Variants in CPED1 observed in about 807,000 individuals in gnomAD.
CPED1 encodes cadherin like and PC-esterase domain containing 1, also known as cadherin-like and PC-esterase domain-containing protein 1.
A neutral mutation model predicts 128.2 loss-of-function variants in CPED1; 114 were observed. That is an observed-to-expected ratio of 0.89 (90% CI 0.76 to 1.04). CPED1 has a LOEUF of 1.04. Ranked by LOEUF, CPED1 falls within the 50% of genes least tolerant of loss-of-function variation. CPED1 has a pLI of 0.00. For synonymous variants in CPED1, 462 were observed against 426.7 expected, an observed-to-expected ratio of 1.08 and a Z score of -1.02; for missense variants, 1,211 against 1,207.1, an observed-to-expected ratio of 1.00 and a Z score of -0.05.
intron 18 of CPED1, among the ~76,000 whole-genome samples, chr7:121,252,667 A>G (rs886199309): frequency 6.6e-6 from 1 of 152,372 alleles, no homozygotes. Flanking sequence ...ATGAACAGAC[A>G]CTTCTCAAAA....
At chr7:121,251,901 C>G (rs1288855279) in intron 18 of CPED1, among the ~76,000 whole-genome samples, 1 of 151,156 alleles carries the variant, frequency 6.6e-6, no homozygotes, top group African/African-American at 2.4e-5. Flanking sequence ...AGGTAATTTA[C>G]AGATTCAATG....
chr7:120,995,931 C>T lies in CPED1; in HGVS notation c.249+6061C>T, dbSNP rs557874401. On this transcript the variant is annotated intron_variant, in intron 2 of 22. Transcript: ENST00000310396. ...TCTTCTTCTCCTTCTCCTCCTCCTTCTCCTCCTCCTTCTTCTCCTCCTCCT... is the reference window on the plus strand; with the variant it reads ...TCTTCTTCTCCTTCTCCTCCTCCTTTTCCTCCTCCTTCTTCTCCTCCTCCT... Among the ~76,000 whole-genome samples the T allele has an allele frequency of 2.1e-5, 3 of 140,964 alleles. No homozygotes were observed. The East Asian group carries it at 6.1e-4, about 29-fold the overall frequency. 92.5% of individuals were successfully genotyped at this position (140,964 alleles called of 152,430 possible). A position where few individuals can be genotyped will look rare whatever the true frequency, so the allele number is the denominator to read the frequency against.
intron 18 of CPED1, among the ~76,000 whole-genome samples, chr7:121,265,833 G>T (rs554404225): frequency 1.7e-4 from 26 of 151,776 alleles, no homozygotes; most frequent in African/African-American, 6.3e-4. Context: ...TGAATTCTCT[G>T]TTTGCACATC....
intron 22 of CPED1, among the ~76,000 whole-genome samples, chr7:121,288,955 A>T (rs1053009667): frequency 6.6e-6 from 1 of 152,172 alleles, no homozygotes; most frequent in Non-Finnish European, 1.5e-5. Flanking sequence ...TTGAGTACAA[A>T]CCTCCTCTAA....
chr7:120,997,368 A>G (rs970078761), intron 2 of CPED1, among the ~76,000 whole-genome samples: 3 of 152,244 alleles, frequency 2.0e-5, no homozygotes, highest in Non-Finnish European at 4.4e-5. Flanking sequence ...TCAAAGTAAC[A>G]TAACAAGTTG....
At chr7:121,130,515 A>G (rs368371532) in intron 12 of CPED1, among the ~76,000 whole-genome samples, 2 of 152,078 alleles carry the variant, frequency 1.3e-5, no homozygotes, top group Non-Finnish European at 2.9e-5. Context: ...TTTTAAACCA[A>G]CAAGACTTGA....
chr7:121,261,828 T>G, intron 18 of CPED1: 1 of 1,090,676 alleles, frequency 9.2e-7, no homozygotes, highest in South Asian at 1.5e-5. Flanking sequence ...TCTGTTACAG[T>G]GCTTAGCTTA....
At chr7:121,221,988 T>C (rs2116623963) in intron 16 of CPED1, among the ~76,000 whole-genome samples, 1 of 152,308 alleles carries the variant, frequency 6.6e-6, no homozygotes, top group South Asian at 2.1e-4. Flanking sequence ...TTTTGGCTTT[T>C]GGTGCCATTG....
rs201053827 is a variant in CPED1, at chr7:121,136,151, G to GA, written c.1699+69dup. 1,843 of 1,441,480 alleles carry GA rather than the reference G, an allele frequency of 1.3e-3. 25 individuals carry two copies. The African/African-American group carries it at 0.023, about 18-fold the overall frequency. 89.3% of individuals were successfully genotyped at this position (1,441,480 alleles called of 1,614,324 possible). A position where few individuals can be genotyped will look rare whatever the true frequency, so the allele number is the denominator to read the frequency against. Reference sequence around the variant, plus strand: ...AACAATTAGGGAACAGCCTTACTTTGAAAAAAAATGCATCATTTTATTATA... The same window carrying GA: ...AACAATTAGGGAACAGCCTTACTTTGAAAAAAAAATGCATCATTTTATTATA... On this transcript the variant is annotated intron_variant, in intron 14 of 22. Coordinates refer to ENST00000310396, the MANE Select transcript of CPED1 (RefSeq NM_024913.5).
chr7:121,273,098 G>A (rs1001618438), intron 22 of CPED1, among the ~76,000 whole-genome samples: 8 of 151,974 alleles, frequency 5.3e-5, no homozygotes, highest in Non-Finnish European at 1.2e-4. Context: ...CTTTCTATTA[G>A]ATATTGATTC....
chr7:121,170,779 G>A (rs1444952639), intron 16 of CPED1, among the ~76,000 whole-genome samples: 2 of 152,122 alleles, frequency 1.3e-5, no homozygotes, highest in Non-Finnish European at 2.9e-5. Context: ...GGCCAGGCAC[G>A]GTGGCTCACA....
chr7:121,060,135 G>T (rs1446237555), intron 4 of CPED1, among the ~76,000 whole-genome samples: 1 of 152,232 alleles, frequency 6.6e-6, no homozygotes, highest in Non-Finnish European at 1.5e-5. Context: ...CGGAGGGTGT[G>T]CTGGGTCCCC....
Position 121,295,422 on chromosome 7 carries a change from C to A in CPED1, c.2869-18C>A. On this transcript the variant is annotated intron_variant, in intron 22 of 22. Coordinates refer to ENST00000310396, the MANE Select transcript of CPED1 (RefSeq NM_024913.5). ...ATTCTTGATTTTGCCTCACAGTTTTCTTGCTCTTCATTTACAGGTAGTGAA... is the reference window on the plus strand; with the variant it reads ...ATTCTTGATTTTGCCTCACAGTTTTATTGCTCTTCATTTACAGGTAGTGAA... 6.3e-7 allele frequency: 1 copy of A among 1,599,642 alleles called. No homozygotes were observed. The highest frequency in any genetic ancestry group is 1.1e-5 in the South Asian group (1 of 89,202).
chr7:121,190,141 C>T (rs1454492026), intron 16 of CPED1, among the ~76,000 whole-genome samples: 4 of 151,892 alleles, frequency 2.6e-5, no homozygotes, highest in Non-Finnish European at 5.9e-5. Flanking sequence ...AGAAGGGACA[C>T]TATTGTAATA....
At chr7:121,201,522 GGAAAGGAAGGAAGGAA>G (rs1181059914) in intron 16 of CPED1, among the ~76,000 whole-genome samples, 24 of 151,086 alleles carry the variant, frequency 1.6e-4, no homozygotes, top group Non-Finnish European at 2.8e-4. Flanking sequence ...GAGAAAGAGA[GGAAAGGAAGGAAGGAA>G]GAAAGGAAGG....
At chr7:121,226,626 G>A (rs1024429018) in intron 16 of CPED1, among the ~76,000 whole-genome samples, 1 of 151,844 alleles carries the variant, frequency 6.6e-6, no homozygotes, top group Admixed American at 6.6e-5. Flanking sequence ...TATAATTGCT[G>A]GTTTAAATTT....
At chr7:121,106,213 A>G (rs1794972438) in intron 7 of CPED1, among the ~76,000 whole-genome samples, 1 of 152,148 alleles carries the variant, frequency 6.6e-6, no homozygotes, top group Admixed American at 6.6e-5. Flanking sequence ...TACATATTCC[A>G]TCATTGTTAA....
At chr7:121,106,340 A>G (rs1794975500) in intron 7 of CPED1, among the ~76,000 whole-genome samples, 1 of 152,082 alleles carries the variant, frequency 6.6e-6, no homozygotes, top group Admixed American at 6.6e-5. Context: ...ATATAGGTAT[A>G]CACATATATG....
At chr7:121,281,187 C>T (rs1386878475) in intron 22 of CPED1, among the ~76,000 whole-genome samples, 1 of 152,164 alleles carries the variant, frequency 6.6e-6, no homozygotes, top group East Asian at 1.9e-4. Flanking sequence ...TTGTAATCTG[C>T]CTGACACCTT....
Sources: gnomAD v4.1 joint callset for allele counts (sites outside exome capture counted in the v4.1 genomes callset) on GRCh38, gnomAD v4.1.1 for gene constraint, MANE v1.5 for transcripts, NCBI Gene and HGNC (gene_info 2026-07-23, HGNC 2026-07-21) for gene names.